Variants in FNTA observed in about 807,000 individuals in gnomAD.
FNTA encodes farnesyltransferase, CAAX box, subunit alpha, also known as protein farnesyltransferase/geranylgeranyltransferase type-1 subunit alpha.
A neutral mutation model predicts 55.2 loss-of-function variants in FNTA; 27 were observed. That is an observed-to-expected ratio of 0.49 (90% CI 0.36 to 0.67). The LOEUF (loss-of-function observed/expected upper bound fraction) is 0.67. Among genes scored for constraint, FNTA ranks in the 30% least tolerant of loss-of-function variants. The probability of loss-of-function intolerance (pLI) is 0.00; values close to 1 mark genes in which losing one functional copy is unlikely to be tolerated. For synonymous variants in FNTA, 176 were observed against 170.7 expected (o/e 1.03, Z -0.24); for missense variants, 422 against 464.7 (o/e 0.91, Z 0.85).
intron 6 of FNTA, chr8:43,082,546 T>A (rs1017512930): frequency 6.6e-6 from 1 of 152,248 alleles, no homozygotes; most frequent in Non-Finnish European, 1.5e-5. Flanking sequence ...TTCCATATTA[T>A]TTAAAGGAAA....
intron 6 of FNTA, chr8:43,081,468 G>A (rs1446706882): frequency 6.6e-6 from 1 of 152,184 alleles, no homozygotes; most frequent in Non-Finnish European, 1.5e-5. Flanking sequence ...AAGAACTTGA[G>A]GTTCCAGGTA....
intron 2 of FNTA, among the ~76,000 whole-genome samples, chr8:43,061,538 T>G (rs1186149394): frequency 6.6e-6 from 1 of 152,192 alleles, no homozygotes; most frequent in Non-Finnish European, 1.5e-5. Flanking sequence ...AAGCAAGATA[T>G]TGGAAGCTAT....
At chr8:43,062,946 C>G (rs565892882) in intron 2 of FNTA, among the ~76,000 whole-genome samples, 6 of 152,254 alleles carry the variant, frequency 3.9e-5, no homozygotes, top group Non-Finnish European at 8.8e-5. Flanking sequence ...TAAATGACCC[C>G]TTTCTGTTTT....
chr8:43,061,549 A>G (rs1022647514), intron 2 of FNTA, among the ~76,000 whole-genome samples: 1 of 152,200 alleles, frequency 6.6e-6, no homozygotes, highest in Admixed American at 6.5e-5. Flanking sequence ...TGGAAGCTAT[A>G]TGTCTATCTT....
intron 2 of FNTA, among the ~76,000 whole-genome samples, chr8:43,063,899 T>C (rs1029275501): frequency 4.6e-5 from 7 of 152,372 alleles, no homozygotes; most frequent in Admixed American, 2.0e-4. Context: ...CATACAGTTA[T>C]ACATAAATAG....
intron 3 of FNTA, among the ~76,000 whole-genome samples, chr8:43,067,929 T>C (rs1480478064): frequency 2.0e-5 from 3 of 152,152 alleles, no homozygotes; most frequent in Non-Finnish European, 4.4e-5. Context: ...AGACGGAGTC[T>C]TGCTCTGTCG....
At chr8:43,058,360 G>A (rs1386270666) in intron 1 of FNTA, among the ~76,000 whole-genome samples, 2 of 152,084 alleles carry the variant, frequency 1.3e-5, no homozygotes, top group East Asian at 1.9e-4. Context: ...TAAATTAATA[G>A]TACTTATTTT....
intron 1 of FNTA, 108 bp downstream of exon 1, chr8:43,056,654 T>C (rs2130535668): frequency 3.1e-6 from 2 of 646,148 alleles, no homozygotes; most frequent in South Asian, 7.3e-5. Flanking sequence ...GAAGTTCCCG[T>C]GGCGCCGCGT....
chr8:43,064,763 T>G (rs1470202502), intron 3 of FNTA, among the ~76,000 whole-genome samples: 1 of 152,162 alleles, frequency 6.6e-6, no homozygotes, highest in African/African-American at 2.4e-5. Context: ...TTTTCTTGAA[T>G]TAACCTCCAT....
chr8:43,073,216 G>T (rs1810835369), intron 5 of FNTA, among the ~76,000 whole-genome samples: 1 of 152,034 alleles, frequency 6.6e-6, no homozygotes, highest in Non-Finnish European at 1.5e-5. Flanking sequence ...TATTCTAAAG[G>T]TATTCAATAT....
At chr8:43,081,263 C>G (rs1054452485) in intron 6 of FNTA, 4 of 152,146 alleles carry the variant, frequency 2.6e-5, no homozygotes, top group African/African-American at 9.7e-5. Flanking sequence ...TTTTTCCAAA[C>G]TTTATAAATA....
chr8:43,068,055 A>G (rs1810701958), intron 3 of FNTA, among the ~76,000 whole-genome samples: 1 of 152,150 alleles, frequency 6.6e-6, no homozygotes, highest in South Asian at 2.1e-4. Context: ...GCATGCCACC[A>G]TGCCCAGCTA....
intron 4 of FNTA, among the ~76,000 whole-genome samples, chr8:43,071,882 GATAAA>G (rs1254370293): frequency 6.6e-6 from 1 of 152,002 alleles, no homozygotes; most frequent in Non-Finnish European, 1.5e-5. Context: ...TTATATATTT[GATAAA>G]ATAATAGCAC....
At chr8:43,059,245 A>G (rs954754035) in intron 2 of FNTA, 68 bp downstream of exon 2, 13 of 1,024,604 alleles carry the variant, frequency 1.3e-5, no homozygotes, top group Admixed American at 7.8e-5. Context: ...ATTCACAACT[A>G]TGTAGCAAGA....
intron 8 of FNTA, 89 bp downstream of exon 8, chr8:43,084,970 C>T (rs750497187): frequency 2.3e-5 from 31 of 1,363,818 alleles, no homozygotes; most frequent in Non-Finnish European, 2.2e-5. Context: ...CTTTCAACAT[C>T]GTTCCTCAGA....
In FNTA at chr8:43,056,334, G is replaced by T. The variant is rs945771968; in HGVS notation, c.-13G>T. ...GGGCCTCCGCCACCACCTCAGCTGC[G>T]GACCGAGGCGAGATGGCGGCCACCG... On this transcript the variant is annotated 5_prime_UTR_variant, in exon 1 of 9. Transcript: ENST00000302279. 67 of 1,405,682 alleles carry T rather than the reference G, an allele frequency of 4.8e-5. No individual in the cohort carries two copies. Among genetic ancestry groups the T allele is most frequent in the Admixed American group, 6.6e-5 (2 of 30,522 alleles). The allele number at this position is 1,405,682 out of a possible 1,614,324, so 87.1% of individuals were successfully genotyped here.
chr8:43,070,152 G>C (rs146709755), intron 4 of FNTA: 2 of 150,914 alleles, frequency 1.3e-5, no homozygotes, highest in East Asian at 2.0e-4. Flanking sequence ...CTCAAGGAGC[G>C]TGCCTGTAAT....
At chr8:43,082,107 C>G (rs1293693002) in intron 6 of FNTA, 1 of 152,024 alleles carries the variant, frequency 6.6e-6, no homozygotes, top group Non-Finnish European at 1.5e-5. Flanking sequence ...AGTAACAGCA[C>G]TGCAGCAGAA....
At chr8:43,056,680 G>A in intron 1 of FNTA, 134 bp downstream of exon 1, 2 of 466,068 alleles carry the variant, frequency 4.3e-6, no homozygotes, top group Non-Finnish European at 6.4e-6. Context: ...GGTGCATGGC[G>A]CTGGGCCCGG....
Sources: allele counts gnomAD v4.1 joint callset (sites outside exome capture counted in the v4.1 genomes callset), GRCh38; gene constraint gnomAD v4.1.1; transcripts MANE v1.5; gene names NCBI Gene and HGNC (gene_info 2026-07-23, HGNC 2026-07-21).